SGCZ: variants seen among roughly 807,000 people sequenced by gnomAD.
SGCZ encodes zeta-sarcoglycan.
In SGCZ, 40 loss-of-function variants were observed where a neutral mutation model predicts 41.3. The observed-to-expected ratio is 0.97, with a 90% CI of 0.75 to 1.26. SGCZ has a LOEUF of 1.26. Ranked by LOEUF, SGCZ falls within the 50% of genes most tolerant of loss-of-function variation. SGCZ has a pLI of 0.00. For missense variants in SGCZ, 552 were observed against 369.8 expected, an observed-to-expected ratio of 1.49 and a Z score of -4.04; for synonymous variants, 206 against 137.5, an observed-to-expected ratio of 1.50 and a Z score of -3.49.
At chr8:14,375,404 T>C (rs1182926763) in intron 2 of SGCZ, among the ~76,000 whole-genome samples, 1 of 152,052 alleles carries the variant, frequency 6.6e-6, no homozygotes, top group African/African-American at 2.4e-5. Flanking sequence ...AAGGCCTAAA[T>C]CCCATGATCA....
intron 1 of SGCZ, among the ~76,000 whole-genome samples, chr8:15,102,143 A>G (rs1056994742): frequency 2.0e-5 from 3 of 152,176 alleles, no homozygotes; most frequent in Admixed American, 1.3e-4. Flanking sequence ...TAATTGCCAA[A>G]ACTTACAAAC....
chr8:15,013,743 G>T (rs781744966), intron 1 of SGCZ, among the ~76,000 whole-genome samples: 1 of 152,012 alleles, frequency 6.6e-6, no homozygotes, highest in Non-Finnish European at 1.5e-5. Context: ...TATGTAAAAG[G>T]CATCTGTTAT....
intron 3 of SGCZ, chr8:14,319,655 A>C (rs898991586): frequency 1.3e-5 from 2 of 152,062 alleles, no homozygotes; most frequent in Admixed American, 6.6e-5. Flanking sequence ...GAGTAACTGT[A>C]GCCATTTATA....
intron 1 of SGCZ, among the ~76,000 whole-genome samples, chr8:14,687,316 G>A (rs954028339): frequency 2.1e-5 from 3 of 144,412 alleles, no homozygotes; most frequent in African/African-American, 5.5e-5. Context: ...TTAGCATTAG[G>A]TATATCTCCT....
chr8:15,223,426 A>G (rs1254245901), intron 1 of SGCZ, among the ~76,000 whole-genome samples: 2 of 152,208 alleles, frequency 1.3e-5, no homozygotes, highest in Non-Finnish European at 2.9e-5. Context: ...TGACTACCAC[A>G]TGGTAATAAC....
chr8:14,778,971 T>C (rs1301185586), intron 1 of SGCZ, among the ~76,000 whole-genome samples: 1 of 152,178 alleles, frequency 6.6e-6, no homozygotes, highest in Admixed American at 6.5e-5. Context: ...TTCCTAGACA[T>C]ATGTGCAAGA....
intron 1 of SGCZ, among the ~76,000 whole-genome samples, chr8:14,630,686 G>C (rs1469472170): frequency 1.5e-5 from 2 of 132,328 alleles, no homozygotes; most frequent in Non-Finnish European, 3.3e-5. Context: ...GGAATACTAT[G>C]CAGCCATAAA....
chr8:14,993,278 T>C (rs546672416), intron 1 of SGCZ, among the ~76,000 whole-genome samples: 4 of 152,280 alleles, frequency 2.6e-5, no homozygotes, highest in African/African-American at 7.2e-5. Flanking sequence ...ATTACTGCTG[T>C]ATAAAATGTT....
intron 1 of SGCZ, among the ~76,000 whole-genome samples, chr8:14,727,056 G>C (rs1343129380): frequency 6.6e-6 from 1 of 151,990 alleles, no homozygotes; most frequent in Non-Finnish European, 1.5e-5. Context: ...TTTTCAATAA[G>C]CTTATCCGGC....
chr8:14,140,306 A>T (rs777540381), intron 5 of SGCZ, among the ~76,000 whole-genome samples: 1 of 152,160 alleles, frequency 6.6e-6, no homozygotes, highest in Non-Finnish European at 1.5e-5. Flanking sequence ...CATACTGTTG[A>T]AAGTTCTGGC....
At chr8:14,826,783 T>C (rs1432502279) in intron 1 of SGCZ, among the ~76,000 whole-genome samples, 2 of 152,180 alleles carry the variant, frequency 1.3e-5, no homozygotes, top group Non-Finnish European at 2.9e-5. Flanking sequence ...ATGGGGTTGT[T>C]TGTTTTCTTC....
intron 1 of SGCZ, among the ~76,000 whole-genome samples, chr8:14,732,206 T>A (rs1798879682): frequency 6.6e-6 from 1 of 152,122 alleles, no homozygotes; most frequent in African/African-American, 2.4e-5. Flanking sequence ...TAAAACACAT[T>A]CCTTATAACT....
chr8:14,847,120 AAGAAGAAAG>A (rs1803145744), intron 1 of SGCZ, among the ~76,000 whole-genome samples: 31 of 107,834 alleles, frequency 2.9e-4, no homozygotes, highest in Non-Finnish European at 3.9e-4. Flanking sequence ...AAAGAAGAAG[AAGAAGAAAG>A]AAGAAGAAGA....
At chr8:14,505,455 G>A (rs1802278689) in intron 2 of SGCZ, among the ~76,000 whole-genome samples, 1 of 152,052 alleles carries the variant, frequency 6.6e-6, no homozygotes, top group East Asian at 1.9e-4. Flanking sequence ...CTATGTTATG[G>A]CAGTAGTTGA....
intron 2 of SGCZ, among the ~76,000 whole-genome samples, chr8:14,456,306 G>C (rs960689220): frequency 1.3e-5 from 2 of 152,146 alleles, no homozygotes; most frequent in South Asian, 2.1e-4. Context: ...TACTTGGGGG[G>C]CTGAGGCGGG....
At chr8:15,038,154 C>A (rs1428886436) in intron 1 of SGCZ, among the ~76,000 whole-genome samples, 1 of 151,948 alleles carries the variant, frequency 6.6e-6, no homozygotes, top group Non-Finnish European at 1.5e-5. Context: ...CAAAAACATT[C>A]TTGAGCAAAA....
chr8:14,414,199 C>G (rs779233196), intron 2 of SGCZ, among the ~76,000 whole-genome samples: 12 of 151,950 alleles, frequency 7.9e-5, no homozygotes, highest in Non-Finnish European at 1.6e-4. Context: ...CGCGCACACA[C>G]ACACACATAC....
At chr8:14,472,209 C>T (rs1010248887) in intron 2 of SGCZ, among the ~76,000 whole-genome samples, 1 of 151,932 alleles carries the variant, frequency 6.6e-6, no homozygotes, top group African/African-American at 2.4e-5. Flanking sequence ...GAATTAAATT[C>T]TCAGTAATCT....
chr8:14,322,428 C>G lies in SGCZ; in HGVS notation c.336+1675G>C, dbSNP rs150905712. Among the ~76,000 whole-genome samples, 383 of 152,072 alleles carry G rather than the reference C, an allele frequency of 2.5e-3. 2 individuals are homozygous for G. Among genetic ancestry groups the G allele is most frequent in the African/African-American group, 8.8e-3 (366 of 41,524 alleles). ...GAAGCGCAAGTGGCTCCACCTCACACGTTAATGCTATAATGTTAGTGGACT... is the reference window on the plus strand; with the variant it reads ...GAAGCGCAAGTGGCTCCACCTCACAGGTTAATGCTATAATGTTAGTGGACT... On this transcript the variant is annotated intron_variant, in intron 3 of 7. Coordinates refer to ENST00000382080, the MANE Select transcript of SGCZ (RefSeq NM_139167.4).
Sources: gnomAD v4.1 joint callset for allele counts (sites outside exome capture counted in the v4.1 genomes callset) on GRCh38, gnomAD v4.1.1 for gene constraint, MANE v1.5 for transcripts, NCBI Gene and HGNC (gene_info 2026-07-23, HGNC 2026-07-21) for gene names.